HDAC9: variants seen among roughly 807,000 people sequenced by gnomAD.
The protein encoded by HDAC9 is histone deacetylase 9.
Under a neutral mutation model 139.4 loss-of-function variants are expected in HDAC9, and 41 were observed. The observed-to-expected ratio is 0.29, with a 90% CI of 0.23 to 0.38. The LOEUF (loss-of-function observed/expected upper bound fraction) is 0.38. HDAC9 is among the 10% of genes least tolerant of loss of function. The probability of loss-of-function intolerance (pLI) is 1.00; values close to 1 mark genes in which losing one functional copy is unlikely to be tolerated. For missense variants in HDAC9, 1,147 were observed against 1,297.0 expected, an observed-to-expected ratio of 0.88 and a Z score of 1.78; for synonymous variants, 517 against 476.2, an observed-to-expected ratio of 1.09 and a Z score of -1.12.
In HDAC9 at chr7:18,560,132, A is replaced by G. The variant is rs180896961; in HGVS notation, c.23-25149A>G. ...TATTTCAAACATTTCTGGAGATCTC[A>G]AGATTCATGTGGAGAATATAAAAAA... On this transcript the variant is annotated intron_variant, in intron 2 of 25. Transcript: ENST00000686413. Among the ~76,000 whole-genome samples, 597 of 152,300 alleles carry G rather than the reference A, an allele frequency of 3.9e-3. 3 individuals are homozygous for G. The highest frequency in any genetic ancestry group is 6.2e-3 in the Non-Finnish European group (423 of 68,008).
At chr7:18,903,943 C>G (rs982015291) in intron 22 of HDAC9, among the ~76,000 whole-genome samples, 5 of 152,062 alleles carry the variant, frequency 3.3e-5, no homozygotes, top group Admixed American at 1.3e-4. Context: ...TCCACATGAC[C>G]CTTACACAAC....
intron 1 of HDAC9, among the ~76,000 whole-genome samples, chr7:18,351,892 A>G (rs1212616675): frequency 2.0e-5 from 3 of 152,218 alleles, no homozygotes; most frequent in East Asian, 3.8e-4. Context: ...CTTAAATCTC[A>G]AAAAATTTGA....
At chr7:18,506,282 A>G (rs933843108) in intron 2 of HDAC9, among the ~76,000 whole-genome samples, 4 of 152,128 alleles carry the variant, frequency 2.6e-5, no homozygotes, top group African/African-American at 9.7e-5. Flanking sequence ...TGGAAAGGCA[A>G]AGAGGCGGCC....
intron 22 of HDAC9, among the ~76,000 whole-genome samples, chr7:18,925,514 A>G (rs1024569342): frequency 2.0e-5 from 3 of 152,092 alleles, no homozygotes; most frequent in Non-Finnish European, 2.9e-5. Context: ...CTTAGTAGGT[A>G]TCTCTTAATT....
chr7:18,528,715 G>A (rs1404595379), intron 2 of HDAC9, among the ~76,000 whole-genome samples: 5 of 152,094 alleles, frequency 3.3e-5, no homozygotes, highest in Non-Finnish European at 7.4e-5. Context: ...GAATTTTATA[G>A]TAGTGATAGA....
intron 1 of HDAC9, among the ~76,000 whole-genome samples, chr7:18,129,685 C>A (rs929533539): frequency 6.6e-6 from 1 of 152,156 alleles, no homozygotes; most frequent in African/African-American, 2.4e-5. Context: ...CTCACTCATT[C>A]ATTCTTAATC....
At chr7:18,148,983 C>T (rs992228656) in intron 1 of HDAC9, among the ~76,000 whole-genome samples, 6 of 152,176 alleles carry the variant, frequency 3.9e-5, no homozygotes, top group African/African-American at 1.2e-4. Flanking sequence ...GGGTGTCATA[C>T]ATTGTCCACT....
chr7:18,840,342 G>C (rs1010832251), intron 21 of HDAC9, among the ~76,000 whole-genome samples: 2 of 151,980 alleles, frequency 1.3e-5, no homozygotes, highest in African/African-American at 2.4e-5. Context: ...ATTTTCAATA[G>C]ACAGTGAATC....
At chr7:18,928,840 CAAATA>C (rs948538809) in intron 22 of HDAC9, among the ~76,000 whole-genome samples, 9 of 150,210 alleles carry the variant, frequency 6.0e-5, no homozygotes, top group Non-Finnish European at 3.0e-5. Context: ...ATTTATTTAT[CAAATA>C]AAAGATAACA....
At chr7:18,702,112 G>A (rs913441559) in intron 12 of HDAC9, among the ~76,000 whole-genome samples, 4 of 114,568 alleles carry the variant, frequency 3.5e-5, no homozygotes, top group African/African-American at 1.4e-4. Flanking sequence ...TGGGAGCGTG[G>A]CTGTAGGTTA....
At chr7:18,271,445 A>T (rs1408587510) in intron 2 of HDAC9, among the ~76,000 whole-genome samples, 1 of 152,138 alleles carries the variant, frequency 6.6e-6, no homozygotes, top group Admixed American at 6.5e-5. Flanking sequence ...ATGGTGTTGG[A>T]CTGAACAGCC....
chr7:18,392,804 G>T (rs1428130099), intron 1 of HDAC9, among the ~76,000 whole-genome samples: 1 of 151,726 alleles, frequency 6.6e-6, no homozygotes, highest in Non-Finnish European at 1.5e-5. Context: ...AACCAGCGAG[G>T]GCTAAGGGAA....
At chr7:18,670,262 A>G (rs1189690726) in intron 12 of HDAC9, among the ~76,000 whole-genome samples, 1 of 152,042 alleles carries the variant, frequency 6.6e-6, no homozygotes, top group Non-Finnish European at 1.5e-5. Flanking sequence ...TCATTGCTTC[A>G]TCTCTGTTTT....
intron 1 of HDAC9, among the ~76,000 whole-genome samples, chr7:18,126,695 G>A (rs974264382): frequency 2.0e-4 from 30 of 152,170 alleles, no homozygotes; most frequent in African/African-American, 7.2e-4. Flanking sequence ...TAGTTTATTG[G>A]CCACAGAAAG....
intron 22 of HDAC9, among the ~76,000 whole-genome samples, chr7:18,881,192 C>A (rs947422608): frequency 2.0e-5 from 3 of 152,124 alleles, no homozygotes; most frequent in African/African-American, 4.8e-5. Context: ...CGTGTACATG[C>A]TTTATCCCAA....
At position 18,509,746 on chromosome 7, in the gene HDAC9, AT is replaced by A. The variant is rs147767510; in HGVS notation, c.22+13430del. Among the ~76,000 whole-genome samples the A allele has an allele frequency of 6.1e-4, 92 of 151,818 alleles. 1 individual carries two copies. Among genetic ancestry groups the A allele is most frequent in the Admixed American group, 3.9e-3 (60 of 15,236 alleles). On this transcript the variant is annotated intron_variant, in intron 2 of 25. Transcript: ENST00000686413. ...TATTAATACTTCCCTAATTACGTGTATTTTTTTTCTCTTTCTCCCTTCTCTC... is the reference window on the plus strand; with the variant it reads ...TATTAATACTTCCCTAATTACGTGTATTTTTTTCTCTTTCTCCCTTCTCTC...
At chr7:18,428,823 T>G (rs1025555135) in intron 1 of HDAC9, among the ~76,000 whole-genome samples, 1 of 152,104 alleles carries the variant, frequency 6.6e-6, no homozygotes, top group African/African-American at 2.4e-5. Flanking sequence ...CTGATTCATC[T>G]CCTACCACTC....
chr7:18,927,109 A>T (rs1266499143), intron 22 of HDAC9, among the ~76,000 whole-genome samples: 2 of 152,198 alleles, frequency 1.3e-5, no homozygotes, highest in African/African-American at 4.8e-5. Flanking sequence ...GATAATATAT[A>T]TCTTTACCCG....
intron 6 of HDAC9, among the ~76,000 whole-genome samples, chr7:18,605,485 A>G (rs1056995709): frequency 1.3e-5 from 2 of 152,162 alleles, no homozygotes; most frequent in Non-Finnish European, 2.9e-5. Flanking sequence ...TGTGTATTTC[A>G]AAATTGTTAC....
Sources: gnomAD v4.1 joint callset for allele counts (sites outside exome capture counted in the v4.1 genomes callset) on GRCh38, gnomAD v4.1.1 for gene constraint, MANE v1.5 for transcripts, NCBI Gene and HGNC (gene_info 2026-07-23, HGNC 2026-07-21) for gene names.